The following AQP2 variants were observed in gnomAD, a reference collection of about 807,000 sequenced individuals.
The protein encoded by AQP2 is aquaporin 2.
In AQP2, 20 loss-of-function variants were observed where a neutral mutation model predicts 21.6. The ratio of observed to expected loss-of-function variants is 0.92; its 90% CI spans 0.65 to 1.34. The LOEUF (loss-of-function observed/expected upper bound fraction) is 1.34. Ranked by LOEUF, AQP2 falls within the 40% of genes most tolerant of loss-of-function variation. The probability of loss-of-function intolerance (pLI) is 0.00; values close to 1 mark genes in which losing one functional copy is unlikely to be tolerated. For missense variants in AQP2, 325 were observed against 363.4 expected (o/e 0.89, Z 0.86); for synonymous variants, 168 against 166.9 (o/e 1.01, Z -0.05).
At position 49,958,315 on chromosome 12, in the gene AQP2, T is replaced by C. The variant is rs1947387820; in HGVS notation, c.*2707T>C. On this transcript the variant is annotated 3_prime_UTR_variant, in exon 4 of 4. Transcript: ENST00000199280. The stretch of plus-strand genomic sequence containing the variant: ...GGTCTAAAGTCTCACAGGTAGTATA[T>C]GGTGGAGCCAACACTTGAACTCAGA... The C allele has an allele frequency of 6.6e-6, 1 of 152,218 alleles. No individual in the cohort carries two copies. Among genetic ancestry groups the C allele is most frequent in the Non-Finnish European group, 1.5e-5 (1 of 68,040 alleles). 9.4% of individuals were successfully genotyped at this position (152,218 alleles called of 1,614,324 possible).
In AQP2 at chr12:49,950,852, G is replaced by A. The variant is rs1354001307; in HGVS notation, c.22G>A (p.Ala8Thr). Residue 8 changes from alanine (A) to threonine (T), a missense_variant, in exon 1 of 4, where the codon GCC becomes ACC. By Grantham distance (58) the Ala-to-Thr change is moderately conservative. Coordinates refer to ENST00000199280, the MANE Select transcript of AQP2 (RefSeq NM_000486.6). The stretch of plus-strand genomic sequence containing the variant: ...CAGCATGTGGGAGCTCCGCTCCATA[G>A]CCTTCTCCAGGGCTGTGTTCGCAGA... The part of the protein sequence containing the change: MWELRSI[A>T]FSRAVFAEFL... 18 of 1,612,876 alleles carry A rather than the reference G, an allele frequency of 1.1e-5. No individual in the cohort carries two copies. The highest frequency in any genetic ancestry group is 1.5e-5 in the Non-Finnish European group (18 of 1,179,068).
chr12:49,958,819 A>G lies in AQP2; in HGVS notation c.*3211A>G, dbSNP rs937685330. On this transcript the variant is annotated 3_prime_UTR_variant, in exon 4 of 4. Coordinates refer to ENST00000199280, the MANE Select transcript of AQP2 (RefSeq NM_000486.6). Reference sequence around the variant, plus strand: ...TCCAGTTCTTGGATGGCGTTCTCCTATCTACCTTCCTTCAACTGCTCTGCA... The same window carrying G: ...TCCAGTTCTTGGATGGCGTTCTCCTGTCTACCTTCCTTCAACTGCTCTGCA... The G allele has an allele frequency of 1.3e-5, 2 of 152,230 alleles. No homozygotes were observed. Among genetic ancestry groups the G allele is most frequent in the African/African-American group, 4.8e-5 (2 of 41,454 alleles). The allele number at this position is 152,230 out of a possible 1,614,324, so 9.4% of individuals were successfully genotyped here.
rs746372588 is a variant in AQP2 at position 49,958,032 on chromosome 12, G to A, written c.*2424G>A. 15 of 152,228 alleles carry A rather than the reference G, an allele frequency of 9.9e-5. No individual in the cohort carries two copies. Among genetic ancestry groups the A allele is most frequent in the Non-Finnish European group, 2.2e-4 (15 of 68,056 alleles). 9.4% of individuals were successfully genotyped at this position (152,228 alleles called of 1,614,324 possible). A position where few individuals can be genotyped will look rare whatever the true frequency, so the allele number is the denominator to read the frequency against. ...GATTCCAAGTGATGGAACTCCAGGG[G>A]TGGAGGGAAATTGGCAGTTCCTGGC... On this transcript the variant is annotated 3_prime_UTR_variant, in exon 4 of 4. Transcript: ENST00000199280.
intron 1 of AQP2, 188 bp downstream of exon 1, chr12:49,951,378 G>C (rs1947328720): frequency 1.2e-6 from 1 of 811,312 alleles, no homozygotes; most frequent in South Asian, 2.1e-5. Flanking sequence ...TGATACCAGA[G>C]CAAAGCAGGA....
intron 1 of AQP2, among the ~76,000 whole-genome samples, chr12:49,952,275 A>G (rs1334534392): frequency 6.6e-6 from 1 of 151,824 alleles, no homozygotes; most frequent in East Asian, 1.9e-4. Flanking sequence ...ATCCCAGCTA[A>G]TTTTTGTATT....
chr12:49,952,526 G>A (rs1201090672), intron 1 of AQP2, among the ~76,000 whole-genome samples: 2 of 152,192 alleles, frequency 1.3e-5, no homozygotes, highest in African/African-American at 2.4e-5. Context: ...TCAGTTTGCA[G>A]CAAGAAGAGG....
chr12:49,955,667 C>A lies in AQP2; in HGVS notation c.*59C>A, dbSNP rs556295755. 118 of 1,512,184 alleles carry A rather than the reference C, an allele frequency of 7.8e-5. 1 individual carries two copies. The highest frequency in any genetic ancestry group is 6.9e-4 in the Middle Eastern group (3 of 4,344). 93.7% of individuals were successfully genotyped at this position (1,512,184 alleles called of 1,614,324 possible). ...GCTTGTGAGGCCCGAGGCAGAAGGG[C>A]CCACCCCGTCCCTCCTCTCCCGCAG... On this transcript the variant is annotated 3_prime_UTR_variant, in exon 4 of 4. Transcript: ENST00000199280.
Position 49,958,120 on chromosome 12 carries a change from C to G in AQP2, c.*2512C>G, listed in dbSNP as rs1232339408. 1 of 152,184 alleles carries G rather than the reference C, an allele frequency of 6.6e-6. No homozygotes were observed. The highest frequency in any genetic ancestry group is 6.5e-5 in the Admixed American group (1 of 15,286). 9.4% of individuals were successfully genotyped at this position (152,184 alleles called of 1,614,324 possible). A position where few individuals can be genotyped will look rare whatever the true frequency, so the allele number is the denominator to read the frequency against. On this transcript the variant is annotated 3_prime_UTR_variant, in exon 4 of 4. Coordinates refer to ENST00000199280, the MANE Select transcript of AQP2 (RefSeq NM_000486.6). ...ATGCACGGACTTATCTGATCTTCCT[C>G]AAACTTCAGATAGGTTAGGGAAGGA...
rs1592815485 is a variant in AQP2, at chr12:49,952,512, T to C, written c.360+1322T>C. The stretch of plus-strand genomic sequence containing the variant: ...GGCTCATTTCCTCTGAGAACAAAAT[T>C]AGTTCAGTTTGCAGCAAGAAGAGGT... On this transcript the variant is annotated intron_variant, in intron 1 of 3. Coordinates refer to ENST00000199280, the MANE Select transcript of AQP2 (RefSeq NM_000486.6). Among the ~76,000 whole-genome samples the C allele has an allele frequency of 4.6e-5, 7 of 152,212 alleles. 2 individuals carry two copies. Among genetic ancestry groups the C allele is most frequent in the Admixed American group, 4.6e-4 (7 of 15,296 alleles).
chr12:49,951,350 T>C (rs1592814951), intron 1 of AQP2, among the ~76,000 whole-genome samples, 160 bp downstream of exon 1: 1 of 149,634 alleles, frequency 6.7e-6, no homozygotes, highest in South Asian at 2.1e-4. Context: ...CATAGGAGGG[T>C]CAGGATGAAA....
chr12:49,952,879 A>G (rs1032548041), intron 1 of AQP2, among the ~76,000 whole-genome samples: 1 of 152,212 alleles, frequency 6.6e-6, no homozygotes, highest in African/African-American at 2.4e-5. Context: ...GAAGTTAATC[A>G]TTGACATGCA....
Position 49,954,248 on chromosome 12 carries a change from C to T in AQP2, c.454C>T (p.Arg152Cys), listed in dbSNP as rs1463900828. Residue 152 changes from arginine to cysteine, a missense_variant, in exon 2 of 4, where the codon CGC becomes TGC. By Grantham distance (180) the Arg-to-Cys change is radical. Coordinates refer to ENST00000199280, the MANE Select transcript of AQP2 (RefSeq NM_000486.6). ...CTGCATCTTCGCCTCCACCGATGAG[C>T]GCCGCGGAGAGAACCCGGGCACCCC... is the stretch of plus-strand genomic sequence containing the variant. ...VLCIFASTDE[R>C]RGENPGTPAL... The T allele has an allele frequency of 5.6e-6, 9 of 1,606,786 alleles. No individual in the cohort carries two copies. Among genetic ancestry groups the T allele is most frequent in the East Asian group, 2.2e-5 (1 of 44,884 alleles).
intron 1 of AQP2, 86 bp downstream of exon 1, chr12:49,951,276 G>A: frequency 6.8e-7 from 1 of 1,473,406 alleles, no homozygotes. Flanking sequence ...TGGGCTCTGG[G>A]TGATGTAGGG....
At chr12:49,953,371 G>A (rs1041274633) in intron 1 of AQP2, among the ~76,000 whole-genome samples, 1 of 152,152 alleles carries the variant, frequency 6.6e-6, no homozygotes, top group African/African-American at 2.4e-5. Context: ...AAAACCCAAG[G>A]AGAAATCCAG....
In AQP2 at chr12:49,955,983, G is replaced by A. The variant is rs764534087; in HGVS notation, c.*375G>A. The stretch of plus-strand genomic sequence containing the variant: ...TACAGACCCCTGCCTTGGGGGTTCC[G>A]GGAATGATGCAACTGGTTTTACTAG... On this transcript the variant is annotated 3_prime_UTR_variant, in exon 4 of 4. Coordinates refer to ENST00000199280, the MANE Select transcript of AQP2 (RefSeq NM_000486.6). 61 of 419,014 alleles carry A rather than the reference G, an allele frequency of 1.5e-4. 1 individual carries two copies. Among genetic ancestry groups the A allele is most frequent in the South Asian group, 3.8e-4 (15 of 39,728 alleles). The allele number at this position is 419,014 out of a possible 1,614,324, so 26.0% of individuals were successfully genotyped here. A position where few individuals can be genotyped will look rare whatever the true frequency, so the allele number is the denominator to read the frequency against.
rs1947322186 is a variant in AQP2 at position 49,950,768 on chromosome 12, G to C, written c.-63G>C. ...TGAGAAAGAGAGCGATAGAGTGCGA[G>C]AGCGAGTGCCCGGAGCATCCTGGCC... On this transcript the variant is annotated 5_prime_UTR_variant, in exon 1 of 4. Coordinates refer to ENST00000199280, the MANE Select transcript of AQP2 (RefSeq NM_000486.6). 3 of 1,576,488 alleles carry C rather than the reference G, an allele frequency of 1.9e-6. No homozygotes were observed.
chr12:49,950,805 G>A lies in AQP2; in HGVS notation c.-26G>A, dbSNP rs777498744. 6.3e-7 allele frequency: 1 copy of A among 1,598,626 alleles called. No homozygotes were observed. Among genetic ancestry groups the A allele is most frequent in the South Asian group, 1.1e-5 (1 of 90,790 alleles). ...GGAGCATCCTGGCCCTGAGACAGCT[G>A]GGCCAGCCCCGCAGGGCTCTGCAGC... is the stretch of plus-strand genomic sequence containing the variant. On this transcript the variant is annotated 5_prime_UTR_variant, in exon 1 of 4. Coordinates refer to ENST00000199280, the MANE Select transcript of AQP2 (RefSeq NM_000486.6).
At position 49,955,767 on chromosome 12, in the gene AQP2, G is replaced by C. The variant is rs1165224227; in HGVS notation, c.*159G>C. On this transcript the variant is annotated 3_prime_UTR_variant, in exon 4 of 4. Coordinates refer to ENST00000199280, the MANE Select transcript of AQP2 (RefSeq NM_000486.6). ...GCCCAGGCCAGTGCTGTGAGCAGGCGGGGAGGAGGCTGCCGGAGGGAGCCC... is the reference window on the plus strand; with the variant it reads ...GCCCAGGCCAGTGCTGTGAGCAGGCCGGGAGGAGGCTGCCGGAGGGAGCCC... 3.9e-6 allele frequency: 4 copies of C among 1,030,432 alleles called. No individual in the cohort carries two copies. Among genetic ancestry groups the C allele is most frequent in the African/African-American group, 1.6e-5 (1 of 63,182 alleles). 63.8% of individuals were successfully genotyped at this position (1,030,432 alleles called of 1,614,324 possible).
Position 49,951,517 on chromosome 12 carries a change from G to A in AQP2, c.360+327G>A, listed in dbSNP as rs3782322. The A allele has an allele frequency of 0.13, 43,953 of 349,918 alleles. 4,023 individuals are homozygous for A. The highest frequency in any genetic ancestry group is 0.32 in the South Asian group (4,139 of 12,946). The allele number at this position is 349,918 out of a possible 1,614,324, so 21.7% of individuals were successfully genotyped here. ...ATACCTCAGCAGGGGTTGGTGTCCC[G>A]AGCAGACATGCTTTCCAAGCTGCGG... is the stretch of plus-strand genomic sequence containing the variant. On this transcript the variant is annotated intron_variant, in intron 1 of 3. Coordinates refer to ENST00000199280, the MANE Select transcript of AQP2 (RefSeq NM_000486.6).
Sources: allele counts gnomAD v4.1 joint callset (sites outside exome capture counted in the v4.1 genomes callset), GRCh38; gene constraint gnomAD v4.1.1; transcripts MANE v1.5; gene names NCBI Gene and HGNC (gene_info 2026-07-23, HGNC 2026-07-21).